The following PCDHA12 variants were observed in gnomAD, a reference collection of about 807,000 sequenced individuals.
The protein encoded by PCDHA12 is protocadherin alpha 12, also known as protocadherin alpha-12.
PCDHA12 carries 44 observed loss-of-function variants against 60.0 expected under a neutral mutation model. The observed-to-expected ratio is 0.73, with a 90% CI of 0.58 to 0.94. The LOEUF is 0.94. Among genes scored for constraint, PCDHA12 ranks in the 40% least tolerant of loss-of-function variants. PCDHA12 has a pLI of 0.00. For synonymous variants in PCDHA12, 569 were observed against 553.0 expected (o/e 1.03, Z -0.40); for missense variants, 1,276 against 1,239.7 (o/e 1.03, Z -0.44).
intron 1 of PCDHA12, among the ~76,000 whole-genome samples, chr5:140,959,594 A>G (rs1420498368): frequency 6.6e-6 from 1 of 152,220 alleles, no homozygotes; most frequent in African/African-American, 2.4e-5. Flanking sequence ...TCAGCCAAGT[A>G]TAACATGCTT....
intron 1 of PCDHA12, among the ~76,000 whole-genome samples, chr5:140,939,496 T>C (rs1056805885): frequency 4.6e-5 from 7 of 150,952 alleles, no homozygotes; most frequent in African/African-American, 1.5e-4. Context: ...AATTATAAAT[T>C]CAATGTCTAT....
chr5:140,909,801 T>C (rs1462008196), intron 1 of PCDHA12, among the ~76,000 whole-genome samples: 1 of 152,134 alleles, frequency 6.6e-6, no homozygotes, highest in African/African-American at 2.4e-5. Context: ...AGACTTCAGC[T>C]AAAACTCCAT....
intron 1 of PCDHA12, chr5:140,968,847 A>G (rs781874732): frequency 8.7e-6 from 14 of 1,614,222 alleles, no homozygotes; most frequent in Middle Eastern, 1.6e-4. Context: ...ACTCAGAGGC[A>G]TGTTAAGAGC....
chr5:140,927,607 C>T, intron 1 of PCDHA12: 2 of 1,614,180 alleles, frequency 1.2e-6, no homozygotes, highest in Non-Finnish European at 8.5e-7. Flanking sequence ...CTCCGTATAC[C>T]GCACCAAGGT....
Position 140,877,411 on chromosome 5 carries a change from C to T in PCDHA12, c.1939C>T (p.Leu647=), listed in dbSNP as rs781874450. 75 of 1,613,818 alleles carry T rather than the reference C, an allele frequency of 4.6e-5. No homozygotes were observed. The highest frequency in any genetic ancestry group is 6.0e-5 in the Non-Finnish European group (71 of 1,179,882). ...LDEADAPRHR[L]LVLVKDHGEP... The stretch of plus-strand genomic sequence containing the variant: ...TGAGGCGGACGCTCCGCGCCACCGC[C>T]TGCTGGTGCTGGTGAAGGACCACGG... The change falls in exon 1 of 4, where the codon CTG becomes TTG. Residue 647 remains leucine (L), a synonymous_variant. Transcript: ENST00000398631.
chr5:140,883,289 C>T, intron 1 of PCDHA12: 2 of 1,614,022 alleles, frequency 1.2e-6, no homozygotes, highest in African/African-American at 1.3e-5. Context: ...GGTGGAAGTA[C>T]TAGATGTAAA....
At chr5:140,892,758 A>G (rs936927643) in intron 1 of PCDHA12, among the ~76,000 whole-genome samples, 2 of 152,210 alleles carry the variant, frequency 1.3e-5, no homozygotes, top group Non-Finnish European at 2.9e-5. Flanking sequence ...AACATTTAAA[A>G]TCCACTCTTC....
chr5:140,969,068 A>C (rs2096293164), intron 1 of PCDHA12: 2 of 1,614,046 alleles, frequency 1.2e-6, no homozygotes, highest in South Asian at 2.2e-5. Flanking sequence ...TGATGCCAGG[A>C]TACCGCATGG....
At chr5:141,008,502 G>A (rs539439181) in intron 3 of PCDHA12, among the ~76,000 whole-genome samples, 2 of 152,110 alleles carry the variant, frequency 1.3e-5, no homozygotes, top group South Asian at 4.2e-4. Context: ...TATACTTTAT[G>A]GTGTGTCTTC....
rs559831598 is a variant in PCDHA12, at chr5:140,877,580, C to T, written c.2108C>T (p.Ala703Val). 2.5e-6 allele frequency: 4 copies of T among 1,613,804 alleles called. No individual in the cohort carries two copies. Among genetic ancestry groups the T allele is most frequent in the African/African-American group, 1.3e-5 (1 of 75,054 alleles). Residue 703 changes from alanine (A) to valine (V), a missense_variant, in exon 1 of 4, where the codon GCC (alanine) becomes GTC (valine). Coordinates refer to ENST00000398631, the MANE Select transcript of PCDHA12 (RefSeq NM_018903.4). ...LVDINVYLII[A>V]ICAVSSLLVL... Reference sequence around the variant, plus strand: ...GATATTAACGTGTACCTCATCATCGCCATCTGTGCGGTGTCCAGCCTGCTG... The same window carrying T: ...GATATTAACGTGTACCTCATCATCGTCATCTGTGCGGTGTCCAGCCTGCTG...
Position 140,877,005 on chromosome 5 carries a change from C to G in PCDHA12, c.1533C>G (p.His511Gln). ...EHALSSYVSV[H>Q]AESGKVYALQ... is the part of the protein sequence containing the mutation. ...CACTGTCGAGCTACGTGTCGGTGCA[C>G]GCGGAGAGCGGCAAGGTGTACGCGC... The change falls in exon 1 of 4, where the codon CAC becomes CAG. Residue 511 changes from histidine to glutamine, a missense_variant. His to Gln is a conservative substitution (Grantham distance 24). Transcript: ENST00000398631. The G allele has an allele frequency of 6.2e-7, 1 of 1,612,474 alleles. No individual in the cohort carries two copies. The highest frequency in any genetic ancestry group is 8.5e-7 in the Non-Finnish European group (1 of 1,179,798).
intron 1 of PCDHA12, among the ~76,000 whole-genome samples, chr5:140,974,319 G>A (rs781949857): frequency 1.8e-4 from 27 of 152,198 alleles, no homozygotes; most frequent in Non-Finnish European, 3.5e-4. Flanking sequence ...TGAGAGAGTA[G>A]CTGCTGTGCT....
chr5:140,983,766 T>C (rs1554245666), intron 3 of PCDHA12, among the ~76,000 whole-genome samples: 2 of 152,206 alleles, frequency 1.3e-5, no homozygotes, highest in African/African-American at 4.8e-5. Flanking sequence ...TTCAAATACA[T>C]ATCTACATAC....
Position 140,910,416 on chromosome 5 carries a change from A to G in PCDHA12, c.2367+32577A>G, listed in dbSNP as rs191093101. Among the ~76,000 whole-genome samples, 67 of 152,280 alleles carry G rather than the reference A, an allele frequency of 4.4e-4. No individual in the cohort carries two copies. In the East Asian group the frequency reaches 0.013, roughly 28 times the overall value. ...CTGGCCCCTGCCACCTCGAGATCCAATTATTCCCATTGCATTTAAGTTTTG... is the reference window on the plus strand; with the variant it reads ...CTGGCCCCTGCCACCTCGAGATCCAGTTATTCCCATTGCATTTAAGTTTTG... On this transcript the variant is annotated intron_variant, in intron 1 of 3. Coordinates refer to ENST00000398631, the MANE Select transcript of PCDHA12 (RefSeq NM_018903.4).
intron 1 of PCDHA12, among the ~76,000 whole-genome samples, chr5:140,922,238 T>C (rs1554200737): frequency 6.6e-6 from 1 of 152,210 alleles, no homozygotes; most frequent in East Asian, 1.9e-4. Context: ...CCATGATGTG[T>C]ATGAAGATAA....
rs564306575 is a variant in PCDHA12, at chr5:140,927,833, A to G, written c.2367+49994A>G. On this transcript the variant is annotated intron_variant, in intron 1 of 3. Coordinates refer to ENST00000398631, the MANE Select transcript of PCDHA12 (RefSeq NM_018903.4). Reference sequence around the variant, plus strand: ...TTGGAGGCATACATTGAGGCGAGGGACGAAGGTGTCTTTGGTTTAGCTAGC... The same window carrying G: ...TTGGAGGCATACATTGAGGCGAGGGGCGAAGGTGTCTTTGGTTTAGCTAGC... 5.0e-6 allele frequency: 8 copies of G among 1,614,044 alleles called. No individual in the cohort carries two copies. Among genetic ancestry groups the G allele is most frequent in the African/African-American group, 4.0e-5 (3 of 74,914 alleles).
intron 1 of PCDHA12, among the ~76,000 whole-genome samples, chr5:140,894,305 T>A (rs1318862417): frequency 6.6e-6 from 1 of 152,078 alleles, no homozygotes; most frequent in East Asian, 1.9e-4. Context: ...TCCTGGAAAG[T>A]TTTCTTAAAT....
intron 1 of PCDHA12, among the ~76,000 whole-genome samples, chr5:140,888,214 G>GTGTGTGTGCA (rs1387597541): frequency 6.6e-6 from 1 of 152,130 alleles, no homozygotes; most frequent in Admixed American, 6.5e-5. Context: ...TGGATTTTGT[G>GTGTGTGTGCA]TGTGTGTGCA....
At chr5:140,927,204 G>C (rs1554204171) in intron 1 of PCDHA12, 1 of 1,614,112 alleles carries the variant, frequency 6.2e-7, no homozygotes, top group Middle Eastern at 1.6e-4. Flanking sequence ...TCGAGGACCC[G>C]CTGGAGCTGC....
Sources: allele counts gnomAD v4.1 joint callset (sites outside exome capture counted in the v4.1 genomes callset), GRCh38; gene constraint gnomAD v4.1.1; transcripts MANE v1.5; gene names NCBI Gene and HGNC (gene_info 2026-07-23, HGNC 2026-07-21).